The following TENM2 variants were observed in gnomAD, a reference collection of about 807,000 sequenced individuals.
TENM2 encodes the protein teneurin-2.
TENM2 carries 52 observed loss-of-function variants against 245.2 expected under a neutral mutation model. That is an observed-to-expected ratio of 0.21 (90% CI 0.17 to 0.27). The LOEUF is 0.27. Among genes scored for constraint, TENM2 ranks in the 10% least tolerant of loss-of-function variants. TENM2 has a pLI of 1.00. For synonymous variants in TENM2, 1,363 were observed against 1,438.9 expected (o/e 0.95, Z 1.19); for missense variants, 3,046 against 3,666.8 (o/e 0.83, Z 4.37).
intron 23 of TENM2, among the ~76,000 whole-genome samples, chr5:168,223,668 T>C (rs1763878563): frequency 2.0e-5 from 3 of 152,186 alleles, no homozygotes; most frequent in African/African-American, 7.2e-5. Flanking sequence ...GGTTTCACCA[T>C]GTTGGCCAAG....
At chr5:167,580,983 T>C (rs953310268) in intron 2 of TENM2, among the ~76,000 whole-genome samples, 1 of 152,110 alleles carries the variant, frequency 6.6e-6, no homozygotes, top group Admixed American at 6.5e-5. Flanking sequence ...AGCGAAACCT[T>C]GTCTCAAAAA....
chr5:166,982,716 A>G, the TENM2 span, among the ~76,000 whole-genome samples: 2 of 151,954 alleles, frequency 1.3e-5, no homozygotes, highest in African/African-American at 2.4e-5. Context: ...GAAACCCCCC[A>G]TTCTGCACTC....
the TENM2 span, among the ~76,000 whole-genome samples, chr5:167,019,288 G>A: frequency 3.9e-5 from 6 of 152,084 alleles, no homozygotes; most frequent in South Asian, 2.1e-4. Context: ...ACTGGTACAC[G>A]AAAGGTCAAA....
intron 2 of TENM2, among the ~76,000 whole-genome samples, chr5:167,857,321 T>C (rs1160485721): frequency 6.6e-6 from 1 of 152,244 alleles, no homozygotes; most frequent in East Asian, 1.9e-4. Flanking sequence ...AGGACATGGC[T>C]AAATTATTTG....
chr5:167,541,334 T>A (rs928279285), intron 2 of TENM2, among the ~76,000 whole-genome samples: 1 of 152,208 alleles, frequency 6.6e-6, no homozygotes, highest in Non-Finnish European at 1.5e-5. Flanking sequence ...ATATTAAATT[T>A]ATTGACTATA....
At chr5:168,248,485 A>C in intron 27 of TENM2, 114 bp downstream of exon 29, 3 of 1,069,474 alleles carry the variant, frequency 2.8e-6, no homozygotes, top group Non-Finnish European at 4.0e-6. Flanking sequence ...ATGGGCCATA[A>C]AGCCCAGGCA....
chr5:168,263,141 G>A, downstream of TENM2: 1 of 222,540 alleles, frequency 4.5e-6, no homozygotes, highest in Admixed American at 5.3e-5. Flanking sequence ...TGTCCAAAAG[G>A]AACAAAAGAA....
chr5:168,013,332 G>A (rs770643367), intron 5 of TENM2, among the ~76,000 whole-genome samples: 15 of 152,130 alleles, frequency 9.9e-5, no homozygotes, highest in Admixed American at 3.9e-4. Context: ...AGCTGGGCAC[G>A]GTGGCTCACA....
chr5:167,602,469 AT>A (rs1372279818), intron 2 of TENM2, among the ~76,000 whole-genome samples: 1 of 152,130 alleles, frequency 6.6e-6, no homozygotes, highest in East Asian at 1.9e-4. Flanking sequence ...AAGAAAAAAT[AT>A]TTCTCTATCA....
At chr5:167,410,656 A>T (rs1762859801) in intron 2 of TENM2, among the ~76,000 whole-genome samples, 1 of 152,180 alleles carries the variant, frequency 6.6e-6, no homozygotes, top group Middle Eastern at 3.4e-3. Context: ...CTTCCTTGGT[A>T]TGCATAAAGC....
the TENM2 span, among the ~76,000 whole-genome samples, chr5:167,030,816 C>G: frequency 7.2e-5 from 11 of 152,312 alleles, no homozygotes; most frequent in South Asian, 2.3e-3. Flanking sequence ...GTAATTACTG[C>G]TGATGCCTGC....
rs529263640 is a variant in TENM2 at position 168,006,980 on chromosome 5, C to T, written c.1186+13798C>T. Among the ~76,000 whole-genome samples the T allele has an allele frequency of 2.0e-5, 3 of 152,274 alleles. No homozygotes were observed. In the East Asian group the frequency reaches 5.8e-4, roughly 29 times the overall value. On this transcript the variant is annotated intron_variant, in intron 5 of 28. Transcript: ENST00000518659. ...TGGTTACGGCTGTTTTATTTTTACT[C>T]ACCTCTGCTCATCAACAGGCCCAAG...
chr5:167,145,602 G>A, the TENM2 span, among the ~76,000 whole-genome samples: 8 of 152,172 alleles, frequency 5.3e-5, no homozygotes, highest in Admixed American at 5.2e-4. Context: ...ATGCACACGG[G>A]GAATTTAGGA....
At chr5:167,124,445 C>T in the TENM2 span, among the ~76,000 whole-genome samples, 4 of 152,290 alleles carry the variant, frequency 2.6e-5, no homozygotes, top group East Asian at 7.7e-4. Flanking sequence ...TAAAATACAA[C>T]CTTATATAAA....
chr5:167,475,996 A>T (rs544437793), intron 2 of TENM2, among the ~76,000 whole-genome samples: 1 of 152,148 alleles, frequency 6.6e-6, no homozygotes, highest in Non-Finnish European at 1.5e-5. Context: ...AAGCATATAA[A>T]TTTTTTAAAG....
chr5:167,973,268 A>G (rs759875718), intron 4 of TENM2, among the ~76,000 whole-genome samples: 48 of 152,326 alleles, frequency 3.2e-4, no homozygotes, highest in Admixed American at 2.6e-4. Flanking sequence ...AGAGGCCCTC[A>G]GGCCAAACTT....
the TENM2 span, among the ~76,000 whole-genome samples, chr5:167,229,961 T>A: frequency 4.6e-5 from 7 of 152,188 alleles, no homozygotes; most frequent in Non-Finnish European, 1.0e-4. Flanking sequence ...GTAGCAGTCA[T>A]GGACACTGAA....
chr5:167,640,404 G>A (rs887718448), intron 2 of TENM2, among the ~76,000 whole-genome samples: 2 of 152,042 alleles, frequency 1.3e-5, no homozygotes, highest in African/African-American at 4.8e-5. Context: ...GATCACCTGA[G>A]GTCAGGAGTT....
At chr5:168,098,718 A>G (rs1793565105) in intron 9 of TENM2, among the ~76,000 whole-genome samples, 1 of 152,118 alleles carries the variant, frequency 6.6e-6, no homozygotes, top group Middle Eastern at 3.2e-3. Flanking sequence ...TGACCTTCAA[A>G]TGGCTCTATC....
Sources: gnomAD v4.1 joint callset for allele counts (sites outside exome capture counted in the v4.1 genomes callset) on GRCh38, gnomAD v4.1.1 for gene constraint, MANE v1.5 for transcripts, NCBI Gene and HGNC (gene_info 2026-07-23, HGNC 2026-07-21) for gene names.